Variants in SIRT2 observed in about 807,000 individuals in gnomAD.
SIRT2 encodes the protein NAD-dependent protein deacetylase sirtuin-2.
In SIRT2, 40 loss-of-function variants were observed where a neutral mutation model predicts 57.4. That is an observed-to-expected ratio of 0.70 (90% CI 0.54 to 0.91). The LOEUF is 0.91. SIRT2 is among the 40% of genes least tolerant of loss of function. The pLI, the probability that SIRT2 is intolerant of heterozygous loss-of-function variation, is 0.00. For missense variants in SIRT2, 439 were observed against 510.4 expected, an observed-to-expected ratio of 0.86 and a Z score of 1.35; for synonymous variants, 161 against 195.7, an observed-to-expected ratio of 0.82 and a Z score of 1.48.
Position 38,890,083 on chromosome 19 carries a change from G to A in SIRT2, c.268+20C>T. ...TCCCCAGTTCCTGGGGGTAGCTGCT[G>A]GGGGAGAAGGGTTACTTACATGTGG... On this transcript the variant is annotated intron_variant, in intron 5 of 15. Transcript: ENST00000249396. 1 of 1,614,104 alleles carries A rather than the reference G, an allele frequency of 6.2e-7. No homozygotes were observed. Among genetic ancestry groups the A allele is most frequent in the South Asian group, 1.1e-5 (1 of 91,080 alleles).
chr19:38,884,367 TGCACAGCTGCATGTGGCAG>T (rs1235254407), intron 8 of SIRT2, among the ~76,000 whole-genome samples: 1 of 152,230 alleles, frequency 6.6e-6, no homozygotes, highest in Non-Finnish European at 1.5e-5. Flanking sequence ...GTGCGCACCC[TGCACAGCTGCATGTGGCAG>T]CTCTAGGCAA....
chr19:38,892,267 G>A (rs559834507), intron 4 of SIRT2, among the ~76,000 whole-genome samples: 2 of 152,090 alleles, frequency 1.3e-5, no homozygotes, highest in East Asian at 1.9e-4. Flanking sequence ...GTGGTGGTGT[G>A]CGTCTGTAAT....
chr19:38,880,633 T>G lies in SIRT2; in HGVS notation c.876+52A>C, dbSNP rs1600105043. ...TGGGGGTTCCCTCTGAGGAAAAGGGTGAGAGGGAAGGGGGAGCCTGTGACG... is the reference window on the plus strand; with the variant it reads ...TGGGGGTTCCCTCTGAGGAAAAGGGGGAGAGGGAAGGGGGAGCCTGTGACG... On this transcript the variant is annotated intron_variant, in intron 13 of 15. Coordinates refer to ENST00000249396, the MANE Select transcript of SIRT2 (RefSeq NM_012237.4). The surrounding 1 kb of genome is among the most constrained non-coding windows in gnomAD (Gnocchi z 4.1). 6 of 1,316,842 alleles carry G rather than the reference T, an allele frequency of 4.6e-6. No homozygotes were observed. Among genetic ancestry groups the G allele is most frequent in the Non-Finnish European group, 2.1e-6 (2 of 952,506 alleles). The allele number at this position is 1,316,842 out of a possible 1,614,324, so 81.6% of individuals were successfully genotyped here. A position where few individuals can be genotyped will look rare whatever the true frequency, so the allele number is the denominator to read the frequency against.
intron 8 of SIRT2, among the ~76,000 whole-genome samples, chr19:38,884,595 C>T (rs1973267829): frequency 1.3e-5 from 2 of 151,978 alleles, no homozygotes; most frequent in Non-Finnish European, 2.9e-5. Flanking sequence ...ATTACAGGCA[C>T]GCACCACCAT....
intron 2 of SIRT2, among the ~76,000 whole-genome samples, chr19:38,895,607 C>T (rs769375138): frequency 4.6e-5 from 7 of 152,204 alleles, no homozygotes; most frequent in Admixed American, 1.3e-4. Context: ...CCCTCCCTTC[C>T]GAACATACGA....
chr19:38,879,818 T>C, intron 13 of SIRT2, 116 bp from the exon 14 acceptor site: 1 of 740,938 alleles, frequency 1.3e-6, no homozygotes. Context: ...GTTTTTTTTT[T>C]GTTGTTGTTT....
intron 8 of SIRT2, among the ~76,000 whole-genome samples, chr19:38,887,453 C>G (rs901016985): frequency 4.6e-5 from 7 of 152,080 alleles, no homozygotes; most frequent in African/African-American, 1.2e-4. Flanking sequence ...TTATTCTGAG[C>G]CCGGAGTCTC....
At chr19:38,882,646 A>G (rs566954058) in intron 9 of SIRT2, among the ~76,000 whole-genome samples, 63 of 152,002 alleles carry the variant, frequency 4.1e-4, no homozygotes, top group Non-Finnish European at 7.4e-4. Context: ...AAAAAAAAAA[A>G]AAAGAAAGAA....
chr19:38,885,284 TG>T (rs1973290800), intron 8 of SIRT2, among the ~76,000 whole-genome samples: 1 of 151,132 alleles, frequency 6.6e-6, no homozygotes, highest in African/African-American at 2.4e-5. Context: ...TTTGTAGAGA[TG>T]GGGGGTGGGG....
chr19:38,889,664 G>A lies in SIRT2; in HGVS notation c.432+25C>T, dbSNP rs180706698. The A allele has an allele frequency of 1.5e-4, 246 of 1,612,842 alleles. 1 individual carries two copies. In the African/African-American group the frequency reaches 2.1e-3, roughly 14 times the overall value. ...GCCCTCCCCCAACCCTTCCTGTTTCGCCCCCTGCAAAACAAAGATCTCACC... is the reference window on the plus strand; with the variant it reads ...GCCCTCCCCCAACCCTTCCTGTTTCACCCCCTGCAAAACAAAGATCTCACC... On this transcript the variant is annotated intron_variant, in intron 7 of 15. Coordinates refer to ENST00000249396, the MANE Select transcript of SIRT2 (RefSeq NM_012237.4).
chr19:38,896,324 T>C (rs1490163083), intron 2 of SIRT2, among the ~76,000 whole-genome samples: 1 of 152,228 alleles, frequency 6.6e-6, no homozygotes. Flanking sequence ...TAGGTCATAG[T>C]ACAATACAAC....
rs1973609255 is a variant in SIRT2 at position 38,893,438 on chromosome 19, C to T, written c.202G>A (p.Ala68Thr). The T allele has an allele frequency of 6.2e-7, 1 of 1,613,428 alleles. No individual in the cohort carries two copies. Among genetic ancestry groups the T allele is most frequent in the Non-Finnish European group, 8.5e-7 (1 of 1,179,522 alleles). Residue 68 changes from alanine (A) to threonine (T), a missense_variant, in exon 4 of 16, where the codon GCC becomes ACC. Physicochemically the swap from Ala to Thr is moderately conservative, Grantham distance 58 (BLOSUM62 0). Transcript: ENST00000249396. ...CAGCGTTCGCTCTGCATGTACCGGG[C>T]CACCCCTTCCAAGGTCAGCTCGTCC... ...LLDELTLEGV[A>T]RYMQSERCRR...
chr19:38,890,946 C>T (rs764319288), intron 4 of SIRT2, among the ~76,000 whole-genome samples: 4 of 152,336 alleles, frequency 2.6e-5, no homozygotes, highest in Middle Eastern at 3.4e-3. Flanking sequence ...GAACAGAGCA[C>T]AAAGCCTGCC....
chr19:38,883,963 G>A (rs114333062), intron 8 of SIRT2, among the ~76,000 whole-genome samples: 3,733 of 152,240 alleles, frequency 0.025, 162 homozygotes, highest in African/African-American at 0.084. Context: ...AGTCAAGGCT[G>A]CTTAAAGGCA....
Position 38,883,480 on chromosome 19 carries a change from G to A in SIRT2, c.631+147C>T, listed in dbSNP as rs368385844. ...CACCCACTGAACTCCCCGCGTGGGC[G>A]ACAGAGTGAGACTCTGTCTCAAAAA... On this transcript the variant is annotated intron_variant, in intron 9 of 15. Transcript: ENST00000249396. 1.5e-4 allele frequency: 158 copies of A among 1,081,594 alleles called. No homozygotes were observed. The Middle Eastern group carries it at 1.6e-3, about 11-fold the overall frequency. 67.0% of individuals were successfully genotyped at this position (1,081,594 alleles called of 1,614,324 possible). A position where few individuals can be genotyped will look rare whatever the true frequency, so the allele number is the denominator to read the frequency against.
rs1283245183 is a variant in SIRT2, at chr19:38,880,659, A to T, written c.876+26T>A. The T allele has an allele frequency of 2.6e-6, 4 of 1,525,336 alleles. No homozygotes were observed. The highest frequency in any genetic ancestry group is 2.8e-5 in the African/African-American group (2 of 72,264). 94.5% of individuals were successfully genotyped at this position (1,525,336 alleles called of 1,614,324 possible). ...GAGAGGGAAGGGGGAGCCTGTGACGACGGGGGCTTGAAGAAGGGCTCTTAC... is the reference window on the plus strand; with the variant it reads ...GAGAGGGAAGGGGGAGCCTGTGACGTCGGGGGCTTGAAGAAGGGCTCTTAC... On this transcript the variant is annotated intron_variant, in intron 13 of 15. Coordinates refer to ENST00000249396, the MANE Select transcript of SIRT2 (RefSeq NM_012237.4). The surrounding 1 kb of genome is among the most constrained non-coding windows in gnomAD (Gnocchi z 4.1).
chr19:38,894,305 TTCC>T (rs1973647975), intron 2 of SIRT2: 1 of 199,180 alleles, frequency 5.0e-6, no homozygotes, highest in African/African-American at 2.4e-5. Flanking sequence ...AGACGAGGTC[TTCC>T]TCTGTTGCCC....
chr19:38,893,776 C>T (rs755649127), intron 3 of SIRT2, 43 bp downstream of exon 3: 11 of 1,608,638 alleles, frequency 6.8e-6, no homozygotes, highest in Non-Finnish European at 9.3e-6. Flanking sequence ...AATCCCCCCG[C>T]CCCCCAGAAC....
chr19:38,899,112 T>C (rs1039746043), intron 1 of SIRT2, among the ~76,000 whole-genome samples: 3 of 151,686 alleles, frequency 2.0e-5, no homozygotes, highest in African/African-American at 7.3e-5. Context: ...GGCGGTAGGT[T>C]TAGGAGAGGC....
Sources: gnomAD v4.1 joint callset for allele counts (sites outside exome capture counted in the v4.1 genomes callset) on GRCh38, gnomAD v4.1.1 for gene constraint, Gnocchi (gnomAD v3.1) non-coding constraint, MANE v1.5 for transcripts, NCBI Gene and HGNC (gene_info 2026-07-23, HGNC 2026-07-21) for gene names.